The following ATP2C2 variants were observed in gnomAD, a reference collection of about 807,000 sequenced individuals.
ATP2C2 encodes calcium-transporting ATPase type 2C member 2.
In ATP2C2, 171 loss-of-function variants were observed where a neutral mutation model predicts 110.8. The observed-to-expected ratio is 1.54, with a 90% confidence interval of 1.36 to 1.75. The LOEUF (loss-of-function observed/expected upper bound fraction) is 1.75. Ranked by LOEUF, ATP2C2 falls within the 40% of genes most tolerant of loss-of-function variation. The pLI is 0.00. For synonymous variants in ATP2C2, 804 were observed against 508.4 expected (o/e 1.58, Z -7.82); for missense variants, 1,963 against 1,235.0 (o/e 1.59, Z -8.84).
chr16:84,381,120 G>A (rs1427046734), intron 1 of ATP2C2, among the ~76,000 whole-genome samples: 3 of 152,172 alleles, frequency 2.0e-5, no homozygotes, highest in African/African-American at 7.2e-5. Context: ...AAAGGGTGGT[G>A]GATTATCATT....
At chr16:84,461,560 C>A in intron 24 of ATP2C2, 154 bp from the exon 25 acceptor site, 3 of 728,884 alleles carry the variant, frequency 4.1e-6, no homozygotes, top group South Asian at 1.6e-5. Flanking sequence ...CAGCCACTGA[C>A]CTCACACCTG....
chr16:84,436,197 T>C (rs1222401564), intron 11 of ATP2C2, among the ~76,000 whole-genome samples: 2 of 152,226 alleles, frequency 1.3e-5, no homozygotes, highest in African/African-American at 4.8e-5. Context: ...ATCTTTTTCA[T>C]TGGAATTTGT....
intron 21 of ATP2C2, 149 bp downstream of exon 21, chr16:84,455,133 G>A (rs1163650325): frequency 2.0e-6 from 2 of 1,020,252 alleles, no homozygotes; most frequent in Admixed American, 2.7e-5. Flanking sequence ...TGTGGCAGGT[G>A]CCCCCAACCC....
rs370445287 is a variant in ATP2C2, at chr16:84,462,173, C to G, written c.2722+44C>G. 1.9e-6 allele frequency: 3 copies of G among 1,584,542 alleles called. No individual in the cohort carries two copies. In the African/African-American group the frequency reaches 4.0e-5, roughly 21 times the overall value. The stretch of plus-strand genomic sequence containing the variant: ...AACGACAGGTGACCTCGACCAGGGC[C>G]ATGGGGGGCGGCAGCTGCCAGGTGG... On this transcript the variant is annotated intron_variant, in intron 26 of 26. Transcript: ENST00000262429.
intron 1 of ATP2C2, among the ~76,000 whole-genome samples, chr16:84,376,187 T>A (rs556966017): frequency 2.0e-5 from 3 of 152,178 alleles, no homozygotes; most frequent in African/African-American, 7.2e-5. Context: ...TCAGCACATT[T>A]GAAACTTCCA....
intron 11 of ATP2C2, 194 bp from the exon 12 acceptor site, chr16:84,438,972 T>A (rs2150565765): frequency 1.5e-6 from 1 of 682,338 alleles, no homozygotes; most frequent in Admixed American, 3.1e-5. Flanking sequence ...GAGCGGGGTC[T>A]GCAGGGGAGG....
chr16:84,421,175 T>G (rs1449828613), intron 7 of ATP2C2, among the ~76,000 whole-genome samples: 1 of 152,184 alleles, frequency 6.6e-6, no homozygotes, highest in African/African-American at 2.4e-5. Context: ...CTTCAAAGAC[T>G]TTCCTCAGCA....
At chr16:84,455,102 C>T (rs1335274152) in intron 21 of ATP2C2, 118 bp downstream of exon 21, 18 of 1,336,370 alleles carry the variant, frequency 1.3e-5, no homozygotes, top group Non-Finnish European at 1.8e-5. Flanking sequence ...CCAGGGAGAG[C>T]TGAATCTCGG....
At chr16:84,405,105 T>C (rs960138215) in intron 2 of ATP2C2, 23 bp from the exon 3 acceptor site, 16 of 1,603,476 alleles carry the variant, frequency 1.0e-5, no homozygotes, top group Non-Finnish European at 1.4e-5. Context: ...ATGAGTGAGC[T>C]TGTGCCTGAC....
In ATP2C2 at chr16:84,439,243, C is replaced by A; in HGVS notation, c.1064C>A (p.Ala355Asp). The change falls in exon 12 of 27, where the codon GCC becomes GAC. Residue 355 changes from alanine to aspartate, a missense_variant. Ala to Asp is a moderately radical substitution (Grantham distance 126). Transcript: ENST00000262429. ...CTGGTCCTGGGAGTGCTGCGGATGG[C>A]CAAGAAGCGGGTCATCGTGAAGAAG... ...VTLVLGVLRM[A>D]KKRVIVKKLP... 6.2e-7 allele frequency: 1 copy of A among 1,612,330 alleles called. No homozygotes were observed. The highest frequency in any genetic ancestry group is 8.5e-7 in the Non-Finnish European group (1 of 1,180,022).
At chr16:84,400,650 C>T (rs986924003) in intron 2 of ATP2C2, among the ~76,000 whole-genome samples, 3 of 152,090 alleles carry the variant, frequency 2.0e-5, no homozygotes, top group African/African-American at 7.2e-5. Flanking sequence ...TTGAGGAACC[C>T]TCCAAACTGT....
At chr16:84,412,704 G>A (rs1462406324) in intron 6 of ATP2C2, among the ~76,000 whole-genome samples, 1 of 152,072 alleles carries the variant, frequency 6.6e-6, no homozygotes, top group South Asian at 2.1e-4. Flanking sequence ...TTCAAAAAAG[G>A]CCAAAGTCTT....
intron 7 of ATP2C2, among the ~76,000 whole-genome samples, chr16:84,420,994 C>T (rs1405915881): frequency 6.6e-6 from 1 of 152,090 alleles, no homozygotes; most frequent in Non-Finnish European, 1.5e-5. Context: ...TTAGTAGAGA[C>T]AGGGTTTCAC....
chr16:84,376,453 A>G (rs1235521253), intron 1 of ATP2C2, among the ~76,000 whole-genome samples: 4 of 152,068 alleles, frequency 2.6e-5, no homozygotes, highest in African/African-American at 9.7e-5. Flanking sequence ...AGTGTGTTCA[A>G]CCTGCAGCCC....
At chr16:84,429,017 G>A (rs2150553246) in intron 11 of ATP2C2, among the ~76,000 whole-genome samples, 1 of 152,298 alleles carries the variant, frequency 6.6e-6, no homozygotes, top group South Asian at 2.1e-4. Context: ...CCCTGCGAAA[G>A]GGCATCTTAG....
chr16:84,387,926 A>T (rs1470853941), intron 1 of ATP2C2, among the ~76,000 whole-genome samples: 5 of 145,230 alleles, frequency 3.4e-5, no homozygotes, highest in African/African-American at 7.6e-5. Context: ...TCCCATGCCT[A>T]TTTTTTTTTT....
At chr16:84,381,898 C>T (rs1227092477) in intron 1 of ATP2C2, among the ~76,000 whole-genome samples, 3 of 152,230 alleles carry the variant, frequency 2.0e-5, no homozygotes, top group Non-Finnish European at 4.4e-5. Context: ...CAGGGTCACA[C>T]AGCTCTTCAT....
At chr16:84,459,988 C>T (rs913441666) in intron 23 of ATP2C2, 8 of 245,518 alleles carry the variant, frequency 3.3e-5, no homozygotes, top group African/African-American at 1.6e-4. Context: ...TCAGGGGACC[C>T]ATCTGGCCAC....
intron 24 of ATP2C2, 51 bp downstream of exon 24, chr16:84,460,852 C>A: frequency 6.4e-7 from 1 of 1,557,680 alleles, no homozygotes. Flanking sequence ...GCGGTGCAGA[C>A]GCTGGGGACT....
Sources: allele counts gnomAD v4.1 joint callset (sites outside exome capture counted in the v4.1 genomes callset), GRCh38; gene constraint gnomAD v4.1.1; transcripts MANE v1.5; gene names NCBI Gene and HGNC (gene_info 2026-07-23, HGNC 2026-07-21).